IGSF10: variants seen among roughly 807,000 people sequenced by gnomAD.
IGSF10 encodes calvaria mechanical force protein 608.
In IGSF10, 126 loss-of-function variants were observed where a neutral mutation model predicts 128.2. The ratio of observed to expected loss-of-function variants is 0.98; its 90% CI spans 0.85 to 1.14. The LOEUF (loss-of-function observed/expected upper bound fraction) is 1.14. IGSF10 is among the 50% of genes most tolerant of loss of function. IGSF10 has a pLI of 0.00. For missense variants in IGSF10, 3,295 were observed against 3,149.8 expected, an observed-to-expected ratio of 1.05 and a Z score of -1.10; for synonymous variants, 1,185 against 1,146.2, an observed-to-expected ratio of 1.03 and a Z score of -0.68.
the IGSF10 span, among the ~76,000 whole-genome samples, chr3:151,494,497 C>T: frequency 6.6e-6 from 1 of 152,006 alleles, no homozygotes; most frequent in African/African-American, 2.4e-5. Context: ...TTCTTCCCCT[C>T]TGCATTGTTT....
At chr3:151,610,907 A>G in the IGSF10 span, among the ~76,000 whole-genome samples, 3 of 152,156 alleles carry the variant, frequency 2.0e-5, no homozygotes, top group South Asian at 6.2e-4. Context: ...TCACCTCATA[A>G]AGGTCCCACC....
the IGSF10 span, among the ~76,000 whole-genome samples, chr3:151,600,601 A>G: frequency 6.6e-6 from 1 of 152,126 alleles, no homozygotes; most frequent in Non-Finnish European, 1.5e-5. Context: ...TTGTTATAGG[A>G]TTTCTTCAAG....
chr3:151,609,837 G>T, the IGSF10 span, among the ~76,000 whole-genome samples: 1 of 152,062 alleles, frequency 6.6e-6, no homozygotes, highest in Non-Finnish European at 1.5e-5. Context: ...GGGGACTGCT[G>T]GTGGGGAGAG....
At chr3:151,597,573 A>G in the IGSF10 span, among the ~76,000 whole-genome samples, 1 of 152,230 alleles carries the variant, frequency 6.6e-6, no homozygotes, top group African/African-American at 2.4e-5. Context: ...GTTGGCACAT[A>G]GAAACCCATA....
At chr3:151,463,541 T>TTTTG (rs1560185539), upstream of IGSF10, among the ~76,000 whole-genome samples, 55 of 108,602 alleles carry the variant, frequency 5.1e-4, no homozygotes, top group Non-Finnish European at 6.7e-4. Flanking sequence ...TTTTTTTTTT[T>TTTTG]TTTTTTTTTT....
chr3:151,463,541 TTTTTTTTTTTTTTTTTTTTTC>T (rs1219724942), upstream of IGSF10, among the ~76,000 whole-genome samples: 13 of 108,616 alleles, frequency 1.2e-4, no homozygotes, highest in East Asian at 1.6e-3. Flanking sequence ...TTTTTTTTTT[TTTTTTTTTTTTTTTTTTTTTC>T]TGAGACGGAG....
the IGSF10 span, among the ~76,000 whole-genome samples, chr3:151,608,266 G>A: frequency 6.6e-6 from 1 of 152,198 alleles, no homozygotes. Context: ...TGTGTCTAAG[G>A]TAAGGCTTCT....
In IGSF10 at chr3:151,436,746, G is replaced by C; in HGVS notation, c.7815C>G (p.Cys2605Trp). ...CACTACCAAGTGGGTTCTTTGCTGT[G>C]CATTTGTATATCCCAGAATCGGAGG... ...PQTSDSGIYKCTAKNPLGSDY... is the reference protein window; with the variant it reads ...PQTSDSGIYKWTAKNPLGSDY... The change falls in exon 8 of 8, where the codon TGC becomes TGG. Residue 2605 changes from cysteine (C) to tryptophan (W), a missense_variant. Coordinates refer to ENST00000282466, the MANE Select transcript of IGSF10 (RefSeq NM_178822.5). 1 of 1,614,096 alleles carries C rather than the reference G, an allele frequency of 6.2e-7. No individual in the cohort carries two copies. The highest frequency in any genetic ancestry group is 8.5e-7 in the Non-Finnish European group (1 of 1,179,986).
the IGSF10 span, among the ~76,000 whole-genome samples, chr3:151,511,771 C>T: frequency 6.6e-6 from 1 of 152,110 alleles, no homozygotes; most frequent in Non-Finnish European, 1.5e-5. Flanking sequence ...GGAGGAAGAT[C>T]TACCAAGCAA....
At chr3:151,581,121 CT>C in the IGSF10 span, among the ~76,000 whole-genome samples, 2 of 152,100 alleles carry the variant, frequency 1.3e-5, no homozygotes, top group Non-Finnish European at 2.9e-5. Flanking sequence ...GTTCATGGAT[CT>C]TTTTCTCAGT....
At chr3:151,536,310 G>A in the IGSF10 span, among the ~76,000 whole-genome samples, 531 of 152,222 alleles carry the variant, frequency 3.5e-3, 16 homozygotes, top group East Asian at 0.074. Flanking sequence ...CTCCACCTAC[G>A]GATCTAAGAC....
At chr3:151,582,107 A>G in the IGSF10 span, among the ~76,000 whole-genome samples, 1 of 152,042 alleles carries the variant, frequency 6.6e-6, no homozygotes, top group Non-Finnish European at 1.5e-5. Flanking sequence ...TTTACTTTGA[A>G]CAACACAAAA....
the IGSF10 span, among the ~76,000 whole-genome samples, chr3:151,513,762 C>T: frequency 6.6e-6 from 1 of 152,212 alleles, no homozygotes; most frequent in Non-Finnish European, 1.5e-5. Flanking sequence ...TGATAAGCAA[C>T]TTCAGCAACG....
upstream of IGSF10, among the ~76,000 whole-genome samples, chr3:151,463,535 T>TGTTTTTTTTG (rs56084857): frequency 1.9e-5 from 1 of 52,156 alleles, no homozygotes; most frequent in Non-Finnish European, 3.7e-5. Flanking sequence ...TTTTTTTTTT[T>TGTTTTTTTTG]TTTTTTTTTT....
chr3:151,618,600 G>A, the IGSF10 span, among the ~76,000 whole-genome samples: 23 of 151,666 alleles, frequency 1.5e-4, no homozygotes, highest in African/African-American at 5.6e-4. Flanking sequence ...CGTGGTGGTG[G>A]GTGCCTGTAG....
the IGSF10 span, among the ~76,000 whole-genome samples, chr3:151,472,817 C>A: frequency 1.3e-5 from 2 of 152,142 alleles, no homozygotes; most frequent in African/African-American, 2.4e-5. Context: ...GGTTTAGAAC[C>A]TGGAGACTGG....
chr3:151,488,794 C>T, the IGSF10 span, among the ~76,000 whole-genome samples: 1 of 152,102 alleles, frequency 6.6e-6, no homozygotes, highest in African/African-American at 2.4e-5. Flanking sequence ...AAACTGGATC[C>T]CTTCCTTACA....
At chr3:151,600,167 G>T in the IGSF10 span, among the ~76,000 whole-genome samples, 1 of 151,432 alleles carries the variant, frequency 6.6e-6, no homozygotes, top group Non-Finnish European at 1.5e-5. Flanking sequence ...ATTCATATTG[G>T]CATTTTTTAC....
the IGSF10 span, among the ~76,000 whole-genome samples, chr3:151,499,389 G>A: frequency 6.6e-6 from 1 of 152,062 alleles, no homozygotes; most frequent in African/African-American, 2.4e-5. Flanking sequence ...AAAAACACGT[G>A]GCATTACACA....
Sources: allele counts gnomAD v4.1 joint callset (sites outside exome capture counted in the v4.1 genomes callset), GRCh38; gene constraint gnomAD v4.1.1; transcripts MANE v1.5; gene names NCBI Gene and HGNC (gene_info 2026-07-23, HGNC 2026-07-21).